The following DRC8 variants were observed in gnomAD, a reference collection of about 807,000 sequenced individuals.
DRC8 encodes the protein dynein regulatory complex protein 8.
At chr1:245,110,969 T>C in the DRC8 span, among the ~76,000 whole-genome samples, 3 of 152,104 alleles carry the variant, frequency 2.0e-5, no homozygotes, top group African/African-American at 7.2e-5. Flanking sequence ...CTATGTCAGC[T>C]ATGGTATACC....
chr1:244,988,769 C>T, the DRC8 span, among the ~76,000 whole-genome samples: 31 of 152,282 alleles, frequency 2.0e-4, no homozygotes, highest in South Asian at 3.3e-3. Flanking sequence ...AACTTCCCTA[C>T]GTTACAAAAA....
At chr1:245,097,690 A>G in the DRC8 span, among the ~76,000 whole-genome samples, 1 of 152,142 alleles carries the variant, frequency 6.6e-6, no homozygotes, top group African/African-American at 2.4e-5. The surrounding 1 kb of genome is among the most constrained non-coding windows in gnomAD (Gnocchi z 5.0). Flanking sequence ...ATGAAGCAGG[A>G]TAAGGGGTGA....
At chr1:245,029,446 C>T in the DRC8 span, among the ~76,000 whole-genome samples, 13 of 149,320 alleles carry the variant, frequency 8.7e-5, no homozygotes, top group Admixed American at 1.3e-4. Flanking sequence ...TACAGGCACC[C>T]GCCACCATGC....
chr1:245,061,608 A>T, the DRC8 span, among the ~76,000 whole-genome samples: 1 of 152,180 alleles, frequency 6.6e-6, no homozygotes, highest in Admixed American at 6.5e-5. Context: ...AAAAGCACAT[A>T]AAAAAAGCAC....
At chr1:245,121,898 A>G in the DRC8 span, 1 of 415,566 alleles carries the variant, frequency 2.4e-6, no homozygotes, top group South Asian at 1.8e-5. Context: ...CTTTTTTCTT[A>G]TTTTATTTTA....
the DRC8 span, among the ~76,000 whole-genome samples, chr1:245,028,541 T>C: frequency 3.9e-5 from 6 of 152,172 alleles, no homozygotes; most frequent in Non-Finnish European, 7.3e-5. Context: ...AGTTACGTTC[T>C]GAGAGTGGGA....
At chr1:245,079,470 G>A in the DRC8 span, among the ~76,000 whole-genome samples, 1 of 152,180 alleles carries the variant, frequency 6.6e-6, no homozygotes, top group Non-Finnish European at 1.5e-5. Context: ...TGCGGAGTTG[G>A]CACCATAATG....
At chr1:245,073,857 C>T in the DRC8 span, among the ~76,000 whole-genome samples, 609 of 152,208 alleles carry the variant, frequency 4.0e-3, 5 homozygotes, top group Non-Finnish European at 7.1e-3. Flanking sequence ...TCTTTGTGCT[C>T]GTCTCTATTT....
At chr1:245,028,129 A>G in the DRC8 span, among the ~76,000 whole-genome samples, 5 of 152,270 alleles carry the variant, frequency 3.3e-5, no homozygotes, top group African/African-American at 9.6e-5. Context: ...GGCTCAAGCA[A>G]TCTGCCTGCT....
the DRC8 span, among the ~76,000 whole-genome samples, chr1:245,006,889 G>T: frequency 6.6e-6 from 1 of 152,020 alleles, no homozygotes; most frequent in African/African-American, 2.4e-5. Context: ...ATCTGGGATT[G>T]CGCCAGTGAA....
the DRC8 span, among the ~76,000 whole-genome samples, chr1:245,013,271 G>A: frequency 2.0e-5 from 3 of 152,152 alleles, no homozygotes; most frequent in African/African-American, 7.2e-5. Context: ...CCTTTCAAAG[G>A]ATAAGTTTCT....
the DRC8 span, among the ~76,000 whole-genome samples, chr1:244,984,828 CTG>C: frequency 7.1e-6 from 1 of 140,640 alleles, no homozygotes; most frequent in East Asian, 2.3e-4. Flanking sequence ...GAGCAAGACT[CTG>C]TCAAAAAACA....
chr1:245,105,688 G>A, the DRC8 span, among the ~76,000 whole-genome samples: 3 of 150,990 alleles, frequency 2.0e-5, no homozygotes, highest in Non-Finnish European at 2.9e-5. Context: ...TCAACTATTC[G>A]GCTTCTTTGA....
chr1:244,991,321 G>A, the DRC8 span, among the ~76,000 whole-genome samples: 16 of 152,136 alleles, frequency 1.1e-4, no homozygotes, highest in Non-Finnish European at 2.2e-4. Flanking sequence ...CTATTCTCCC[G>A]GCATGTGGAT....
chr1:245,048,705 T>C, the DRC8 span, among the ~76,000 whole-genome samples: 308 of 152,268 alleles, frequency 2.0e-3, 2 homozygotes, highest in African/African-American at 7.0e-3. Context: ...CAAACACACA[T>C]ACCTATTTAT....
chr1:245,047,728 T>C, the DRC8 span, among the ~76,000 whole-genome samples: 3 of 151,768 alleles, frequency 2.0e-5, no homozygotes, highest in African/African-American at 7.3e-5. Context: ...CACTGGCACT[T>C]TGGAAGGCCA....
chr1:245,119,952 G>A, the DRC8 span, among the ~76,000 whole-genome samples: 1 of 774 alleles, frequency 1.3e-3, no homozygotes, highest in African/African-American at 6.1e-3. Flanking sequence ...TAAAAAATAA[G>A]TAAATAAGTA....
the DRC8 span, among the ~76,000 whole-genome samples, chr1:245,040,081 G>T: frequency 2.0e-5 from 3 of 152,286 alleles, no homozygotes; most frequent in South Asian, 6.2e-4. Context: ...GGTCAATCTT[G>T]CCTGTGAATG....
At chr1:244,986,429 G>A in the DRC8 span, among the ~76,000 whole-genome samples, 1 of 152,328 alleles carries the variant, frequency 6.6e-6, no homozygotes, top group East Asian at 1.9e-4. Flanking sequence ...ATGAAGGTGG[G>A]AAGAATGGTG....
Sources: allele counts gnomAD v4.1 joint callset (sites outside exome capture counted in the v4.1 genomes callset), GRCh38; gene constraint gnomAD v4.1.1; non-coding constraint Gnocchi (gnomAD v3.1); transcripts MANE v1.5; gene names NCBI Gene and HGNC (gene_info 2026-07-23, HGNC 2026-07-21).